Variants in SLC4A4 observed in about 807,000 individuals in gnomAD.
The protein encoded by SLC4A4 is electrogenic sodium bicarbonate cotransporter 1.
A neutral mutation model predicts 111.5 loss-of-function variants in SLC4A4; 27 were observed. That is an observed-to-expected ratio of 0.24 (90% CI 0.18 to 0.33). The LOEUF (loss-of-function observed/expected upper bound fraction) is 0.33, where lower values mean the gene tolerates loss of function less well. SLC4A4 is among the 10% of genes least tolerant of loss of function. The probability of loss-of-function intolerance (pLI) is 1.00; values close to 1 mark genes in which losing one functional copy is unlikely to be tolerated. For synonymous variants in SLC4A4, 443 were observed against 463.4 expected, an observed-to-expected ratio of 0.96 and a Z score of 0.57; for missense variants, 909 against 1,315.5, an observed-to-expected ratio of 0.69 and a Z score of 4.78.
At chr4:71,374,465 T>C (rs1432567884) in intron 6 of SLC4A4, among the ~76,000 whole-genome samples, 1 of 152,170 alleles carries the variant, frequency 6.6e-6, no homozygotes, top group African/African-American at 2.4e-5. Flanking sequence ...ATTCAGAAAT[T>C]GTATGTGGTA....
At chr4:71,365,458 G>A (rs1329955373) in intron 6 of SLC4A4, among the ~76,000 whole-genome samples, 1 of 152,146 alleles carries the variant, frequency 6.6e-6, no homozygotes, top group Admixed American at 6.5e-5. Context: ...ATATAGGAGA[G>A]GGAAGGACAG....
chr4:71,442,826 C>T (rs1214082014), intron 8 of SLC4A4, among the ~76,000 whole-genome samples: 1 of 151,966 alleles, frequency 6.6e-6, no homozygotes, highest in East Asian at 1.9e-4. Context: ...TAGCAGCTCC[C>T]ATTTCTTGTG....
At chr4:71,456,719 T>C (rs1384638816) in intron 12 of SLC4A4, among the ~76,000 whole-genome samples, 1 of 152,144 alleles carries the variant, frequency 6.6e-6, no homozygotes, top group East Asian at 1.9e-4. Flanking sequence ...AATTCCAATT[T>C]TGAATCCCAG....
intron 1 of SLC4A4, among the ~76,000 whole-genome samples, chr4:71,091,377 C>T (rs936028189): frequency 6.6e-5 from 10 of 151,938 alleles, no homozygotes; most frequent in African/African-American, 1.7e-4. Flanking sequence ...CTCAACCTCC[C>T]GAGTAGCTGG....
chr4:71,084,372 C>T (rs187434916), intron 1 of SLC4A4, among the ~76,000 whole-genome samples: 14 of 152,102 alleles, frequency 9.2e-5, no homozygotes, highest in African/African-American at 3.4e-4. Flanking sequence ...CATTTAAACC[C>T]ACACCAAATG....
chr4:71,453,879 T>G lies in SLC4A4; in HGVS notation c.1497+210T>G, dbSNP rs574677796. Among the ~76,000 whole-genome samples, 4 of 152,258 alleles carry G rather than the reference T, an allele frequency of 2.6e-5. No individual in the cohort carries two copies. In the South Asian group the frequency reaches 8.3e-4, roughly 32 times the overall value. On this transcript the variant is annotated intron_variant, in intron 12 of 25. Coordinates refer to ENST00000264485, the MANE Select transcript of SLC4A4 (RefSeq NM_001098484.3). ...ATAGCTCGATGAAATCTGGCTTGAGTCACAAGTAGGGAAAGGAAGGGAAGG... is the reference window on the plus strand; with the variant it reads ...ATAGCTCGATGAAATCTGGCTTGAGGCACAAGTAGGGAAAGGAAGGGAAGG...
intron 7 of SLC4A4, among the ~76,000 whole-genome samples, chr4:71,425,071 A>G (rs902285585): frequency 1.3e-5 from 2 of 152,066 alleles, no homozygotes; most frequent in Admixed American, 6.6e-5. Flanking sequence ...TTCTTCTACC[A>G]TTTCCTAGTT....
chr4:71,414,826 T>G (rs538832527), intron 7 of SLC4A4, among the ~76,000 whole-genome samples: 128 of 152,290 alleles, frequency 8.4e-4, no homozygotes, highest in African/African-American at 2.9e-3. Flanking sequence ...ATCTCTTTTT[T>G]GGGGGTAGGA....
chr4:71,269,101 AT>A (rs1722512551), intron 3 of SLC4A4, among the ~76,000 whole-genome samples: 1 of 152,224 alleles, frequency 6.6e-6, no homozygotes, highest in African/African-American at 2.4e-5. Context: ...CTGACCCTCT[AT>A]ACTAACTATA....
At chr4:71,484,053 C>T (rs557165938) in intron 14 of SLC4A4, among the ~76,000 whole-genome samples, 21 of 151,642 alleles carry the variant, frequency 1.4e-4, no homozygotes, top group African/African-American at 3.9e-4. Flanking sequence ...GCTTAAGTTC[C>T]TTATAGATAC....
chr4:71,311,687 G>A (rs1474284378), intron 3 of SLC4A4, among the ~76,000 whole-genome samples: 1 of 152,188 alleles, frequency 6.6e-6, no homozygotes, highest in Non-Finnish European at 1.5e-5. Flanking sequence ...CTAAAGCAGT[G>A]TTTAGAGGGA....
chr4:71,492,397 A>G (rs902631785), intron 15 of SLC4A4, among the ~76,000 whole-genome samples: 8 of 151,994 alleles, frequency 5.3e-5, no homozygotes, highest in African/African-American at 1.4e-4. Flanking sequence ...TCCACTCAGT[A>G]TAACAGGGTA....
chr4:71,451,096 C>A, intron 10 of SLC4A4, 92 bp from the exon 11 acceptor site: 1 of 833,812 alleles, frequency 1.2e-6, no homozygotes, highest in Non-Finnish European at 2.1e-6. Flanking sequence ...AGGGTTTTCA[C>A]TCCATCTCCC....
At chr4:71,497,276 G>A (rs1467070555) in intron 15 of SLC4A4, among the ~76,000 whole-genome samples, 4 of 152,016 alleles carry the variant, frequency 2.6e-5, no homozygotes, top group African/African-American at 9.7e-5. Flanking sequence ...GCCCAAACTA[G>A]GTAACAAATT....
At chr4:71,291,130 A>G (rs908666734) in intron 3 of SLC4A4, among the ~76,000 whole-genome samples, 1 of 152,208 alleles carries the variant, frequency 6.6e-6, no homozygotes, top group South Asian at 2.1e-4. Context: ...AATGGAGGTG[A>G]TAAGTTAGAT....
intron 7 of SLC4A4, among the ~76,000 whole-genome samples, chr4:71,429,428 A>T (rs190141014): frequency 7.0e-4 from 106 of 152,254 alleles, no homozygotes; most frequent in African/African-American, 2.1e-3. Context: ...GTTAAAAAAA[A>T]TTGTAAGATA....
At chr4:71,453,712 T>C (rs370672279) in intron 12 of SLC4A4, 43 bp downstream of exon 12, 8 of 1,594,190 alleles carry the variant, frequency 5.0e-6, no homozygotes, top group African/African-American at 2.7e-5. Flanking sequence ...ACAGCCCAGA[T>C]TGCCTTCCTC....
chr4:71,534,917 G>A (rs1734277113), intron 18 of SLC4A4, among the ~76,000 whole-genome samples: 1 of 152,094 alleles, frequency 6.6e-6, no homozygotes, highest in Non-Finnish European at 1.5e-5. Context: ...TTAAAAATCA[G>A]TTATTAACTT....
intron 6 of SLC4A4, among the ~76,000 whole-genome samples, chr4:71,392,773 C>A (rs1400309085): frequency 2.6e-5 from 4 of 152,088 alleles, no homozygotes; most frequent in East Asian, 3.9e-4. Flanking sequence ...TAACAAAATA[C>A]TAGCTAACCG....
Sources: gnomAD v4.1 joint callset for allele counts (sites outside exome capture counted in the v4.1 genomes callset) on GRCh38, gnomAD v4.1.1 for gene constraint, MANE v1.5 for transcripts, NCBI Gene and HGNC (gene_info 2026-07-23, HGNC 2026-07-21) for gene names.